The following SEC63 variants were observed in gnomAD, a reference collection of about 807,000 sequenced individuals.
SEC63 encodes translocation protein SEC63 homolog.
In SEC63, 56 loss-of-function variants were observed where a neutral mutation model predicts 116.2. The observed-to-expected ratio is 0.48, with a 90% CI of 0.39 to 0.60. The LOEUF is 0.60. SEC63 is among the 20% of genes least tolerant of loss of function. The pLI, the probability that SEC63 is intolerant of heterozygous loss-of-function variation, is 0.00. For missense variants in SEC63, 668 were observed against 900.0 expected, an observed-to-expected ratio of 0.74 and a Z score of 3.30; for synonymous variants, 273 against 294.6, an observed-to-expected ratio of 0.93 and a Z score of 0.75.
intron 5 of SEC63, among the ~76,000 whole-genome samples, chr6:107,913,144 T>C: frequency 6.6e-6 from 1 of 152,302 alleles, no homozygotes; most frequent in East Asian, 1.9e-4. Context: ...TAATTGGAAA[T>C]GATAGTGATT....
At chr6:107,874,282 G>A (rs919715103) in intron 19 of SEC63, among the ~76,000 whole-genome samples, 1 of 152,040 alleles carries the variant, frequency 6.6e-6, no homozygotes, top group Non-Finnish European at 1.5e-5. Flanking sequence ...AAAAATGTCA[G>A]CGGCATGCAA....
chr6:107,889,554 AT>A (rs753851829), intron 16 of SEC63, among the ~76,000 whole-genome samples: 96 of 150,380 alleles, frequency 6.4e-4, no homozygotes, highest in African/African-American at 1.1e-3. Context: ...GGATTCATTG[AT>A]TTTTTTTTAA....
chr6:107,909,079 T>C (rs1784316258), intron 7 of SEC63, 44 bp from the exon 8 acceptor site: 1 of 1,352,618 alleles, frequency 7.4e-7, no homozygotes, highest in Non-Finnish European at 1.1e-6. Context: ...GTATAAAAAC[T>C]ACGATAGGCT....
At chr6:107,911,565 C>T (rs948275213) in intron 6 of SEC63, among the ~76,000 whole-genome samples, 169 bp from the exon 7 acceptor site, 2 of 152,024 alleles carry the variant, frequency 1.3e-5, no homozygotes, top group Admixed American at 6.6e-5. Context: ...CCATTATTAC[C>T]CTCCTTTTGT....
At chr6:107,954,330 G>T (rs1455719928) in intron 1 of SEC63, among the ~76,000 whole-genome samples, 1 of 151,644 alleles carries the variant, frequency 6.6e-6, no homozygotes, top group Non-Finnish European at 1.5e-5. Flanking sequence ...CAAACACTGC[G>T]GAAGGCCGCA....
At chr6:107,933,451 C>T (rs1047476325) in intron 1 of SEC63, among the ~76,000 whole-genome samples, 1 of 152,124 alleles carries the variant, frequency 6.6e-6, no homozygotes, top group Non-Finnish European at 1.5e-5. Context: ...AAAAGACAAC[C>T]TAAAATCATA....
At chr6:107,878,043 AAC>A (rs1216568109) in intron 18 of SEC63, among the ~76,000 whole-genome samples, 4 of 152,260 alleles carry the variant, frequency 2.6e-5, no homozygotes, top group African/African-American at 9.6e-5. Context: ...AAAGTGGAAT[AAC>A]ACCTCTGTTG....
At chr6:107,905,310 A>C (rs1017323335) in intron 10 of SEC63, among the ~76,000 whole-genome samples, 3 of 152,196 alleles carry the variant, frequency 2.0e-5, no homozygotes, top group Non-Finnish European at 4.4e-5. Context: ...TTTCAAAGCA[A>C]CTCCAATGAT....
At chr6:107,929,019 GCA>G (rs1463660449) in intron 2 of SEC63, among the ~76,000 whole-genome samples, 1 of 152,186 alleles carries the variant, frequency 6.6e-6, no homozygotes, top group African/African-American at 2.4e-5. Context: ...TAAAGCCCTA[GCA>G]CAGATTCTAG....
chr6:107,876,744 CTT>C (rs1215595271), intron 18 of SEC63, 82 bp from the exon 19 acceptor site: 14 of 909,536 alleles, frequency 1.5e-5, no homozygotes, highest in Non-Finnish European at 2.3e-5. Context: ...TTTGGCCTCT[CTT>C]ATCTTAGAGA....
At chr6:107,948,913 C>G (rs1357009213) in intron 1 of SEC63, among the ~76,000 whole-genome samples, 1 of 152,180 alleles carries the variant, frequency 6.6e-6, no homozygotes, top group Non-Finnish European at 1.5e-5. Flanking sequence ...CTTCCCATAA[C>G]CTGTTTCACC....
intron 16 of SEC63, among the ~76,000 whole-genome samples, chr6:107,889,204 T>A (rs1786612998): frequency 6.6e-6 from 1 of 152,176 alleles, no homozygotes; most frequent in Non-Finnish European, 1.5e-5. Flanking sequence ...AATTTGGCCG[T>A]GAAACCATCT....
At chr6:107,941,551 G>A (rs551329408) in intron 1 of SEC63, among the ~76,000 whole-genome samples, 10 of 151,828 alleles carry the variant, frequency 6.6e-5, no homozygotes, top group African/African-American at 2.2e-4. Context: ...GGCATACAGT[G>A]GAAGAAAAAA....
intron 14 of SEC63, among the ~76,000 whole-genome samples, chr6:107,894,899 C>T (rs1786777607): frequency 6.6e-6 from 1 of 152,024 alleles, no homozygotes; most frequent in Non-Finnish European, 1.5e-5. Flanking sequence ...CTGCCACCTG[C>T]TTTTTAAAAC....
At chr6:107,941,915 T>C (rs562183110) in intron 1 of SEC63, among the ~76,000 whole-genome samples, 1 of 152,350 alleles carries the variant, frequency 6.6e-6, no homozygotes, top group South Asian at 2.1e-4. Flanking sequence ...AGCATTTCTA[T>C]GATGTATCAG....
chr6:107,931,049 GC>G (rs1284732033), intron 1 of SEC63, among the ~76,000 whole-genome samples: 3 of 151,512 alleles, frequency 2.0e-5, no homozygotes, highest in Non-Finnish European at 4.4e-5. Context: ...TTATTTTAAG[GC>G]TGGGTGCAGT....
At chr6:107,926,061 G>A (rs1249210451) in intron 2 of SEC63, among the ~76,000 whole-genome samples, 7 of 152,066 alleles carry the variant, frequency 4.6e-5, no homozygotes, top group East Asian at 1.9e-4. Context: ...CAAGTGATCC[G>A]CTCGCCTCAG....
chr6:107,869,798 C>T lies in SEC63; in HGVS notation c.*1906G>A, dbSNP rs2114381874. On this transcript the variant is annotated 3_prime_UTR_variant, in exon 21 of 21. Coordinates refer to ENST00000369002, the MANE Select transcript of SEC63 (RefSeq NM_007214.5). ...TTTTTTTTTTTTTTTTTTTTTTAAG[C>T]ACTGTGGTGTTACTAGGTTATCATC... 7.9e-6 allele frequency: 1 copy of T among 126,088 alleles called. No homozygotes were observed. Among genetic ancestry groups the T allele is most frequent in the South Asian group, 2.6e-4 (1 of 3,860 alleles). 7.8% of individuals were successfully genotyped at this position (126,088 alleles called of 1,614,324 possible).
intron 16 of SEC63, 69 bp downstream of exon 16, chr6:107,893,413 G>T: frequency 1.4e-6 from 2 of 1,479,102 alleles, no homozygotes; most frequent in Non-Finnish European, 1.9e-6. Context: ...AGCTGTACAC[G>T]TAAGACTTGA....
Sources: allele counts gnomAD v4.1 joint callset (sites outside exome capture counted in the v4.1 genomes callset), GRCh38; gene constraint gnomAD v4.1.1; transcripts MANE v1.5; gene names NCBI Gene and HGNC (gene_info 2026-07-23, HGNC 2026-07-21).